The following PTPRC variants were observed in gnomAD, a reference collection of about 807,000 sequenced individuals.
PTPRC encodes the protein protein tyrosine phosphatase receptor type C.
In PTPRC, 44 loss-of-function variants were observed where a neutral mutation model predicts 155.9. That is an observed-to-expected ratio of 0.28 (90% CI 0.22 to 0.36). The LOEUF is 0.36. Among genes scored for constraint, PTPRC ranks in the 10% least tolerant of loss-of-function variants. The probability of loss-of-function intolerance (pLI) is 1.00; values close to 1 mark genes in which losing one functional copy is unlikely to be tolerated. For missense variants in PTPRC, 1,401 were observed against 1,564.6 expected, an observed-to-expected ratio of 0.90 and a Z score of 1.76; for synonymous variants, 525 against 533.1, an observed-to-expected ratio of 0.98 and a Z score of 0.21.
chr1:198,749,522 C>A lies in PTPRC; in HGVS notation c.3045C>A (p.Ser1015Arg). Reference sequence around the variant, plus strand: ...ATGACAGTGATTCAGAGGAACCAAGCAAATACATCAATGCATCTTTTATAA... The same window carrying A: ...ATGACAGTGATTCAGAGGAACCAAGAAAATACATCAATGCATCTTTTATAA... ...SDDDSDSEEP[S>R]KYINASFIMS... Residue 1015 changes from serine to arginine, a missense_variant, in exon 28 of 33, where the codon AGC (serine) becomes AGA (arginine). Physicochemically the swap from Ser to Arg is moderately radical, Grantham distance 110. Around this residue, in one of 3 missense-constraint regions of PTPRC, gnomAD observed 400 missense variants for 389.5 expected, o/e 1.03. Transcript: ENST00000442510. The A allele has an allele frequency of 6.2e-7, 1 of 1,610,806 alleles. No homozygotes were observed. The highest frequency in any genetic ancestry group is 8.5e-7 in the Non-Finnish European group (1 of 1,178,090).
chr1:198,675,825 C>T lies in PTPRC; in HGVS notation c.74-16522C>T, dbSNP rs146195840. ...TTTATCAGGTCAGGGGCTATATTCT[C>T]GGAAGGGATAAGTAATTTCTGTTGT... On this transcript the variant is annotated intron_variant, in intron 2 of 32. Coordinates refer to ENST00000442510, the MANE Select transcript of PTPRC (RefSeq NM_002838.5). 3.8e-3 allele frequency among the ~76,000 whole-genome samples: 576 copies of T among 152,118 alleles called. 1 individual carries two copies. Among genetic ancestry groups the T allele is most frequent in the Non-Finnish European group, 6.0e-3 (406 of 67,960 alleles).
chr1:198,653,014 AC>A (rs1427055428), intron 2 of PTPRC, among the ~76,000 whole-genome samples: 1 of 151,794 alleles, frequency 6.6e-6, no homozygotes, highest in African/African-American at 2.4e-5. Flanking sequence ...TAATAAAAAT[AC>A]CTTTAGTTGT....
chr1:198,640,171 C>T (rs1296966629), intron 2 of PTPRC, among the ~76,000 whole-genome samples: 3 of 151,666 alleles, frequency 2.0e-5, no homozygotes, highest in Admixed American at 1.3e-4. Context: ...AGTTCTTGAG[C>T]GGCGTCAATA....
intron 2 of PTPRC, among the ~76,000 whole-genome samples, chr1:198,661,247 T>C (rs1005913644): frequency 6.6e-6 from 1 of 151,304 alleles, no homozygotes; most frequent in African/African-American, 2.4e-5. Flanking sequence ...TATAAAGAGG[T>C]TTTGTCTATG....
At chr1:198,674,068 GT>G (rs923684250) in intron 2 of PTPRC, among the ~76,000 whole-genome samples, 2 of 152,174 alleles carry the variant, frequency 1.3e-5, no homozygotes, top group African/African-American at 4.8e-5. Context: ...ATTATCTTAT[GT>G]ATTTTGACTA....
In PTPRC at chr1:198,692,348, G is replaced by A. The variant is rs1314781742; in HGVS notation, c.75G>A (p.Gly25=). 4 of 1,516,592 alleles carry A rather than the reference G, an allele frequency of 2.6e-6. No homozygotes were observed. The highest frequency in any genetic ancestry group is 2.5e-5 in the East Asian group (1 of 39,536). The allele number at this position is 1,516,592 out of a possible 1,614,324, so 93.9% of individuals were successfully genotyped here. A position where few individuals can be genotyped will look rare whatever the true frequency, so the allele number is the denominator to read the frequency against. Residue 25 remains glycine (G), a splice_region_variant and synonymous_variant, in exon 3 of 33, where the codon GGG becomes GGA. Transcript: ENST00000442510. ...GAGATTTTTGTTTCTTCTTTGCAGG[G>A]CAAAGCCCAACACCTTCCCCCACTG... is the stretch of plus-strand genomic sequence containing the variant. ...AFLDTEVFVT[G]QSPTPSPTGL...
Position 198,756,978 on chromosome 1 carries a change from A to AACTT in PTPRC, c.*799_*802dup, listed in dbSNP as rs1220744805. On this transcript the variant is annotated 3_prime_UTR_variant, in exon 33 of 33. Transcript: ENST00000442510. ...CAACAAATTAGGTTTTGTACAATTG[A>AACTT]ACTTAAATAAATGTCATTAAAATAA... 6 of 151,930 alleles carry AACTT rather than the reference A, an allele frequency of 3.9e-5. No individual in the cohort carries two copies. The highest frequency in any genetic ancestry group is 7.4e-5 in the Non-Finnish European group (5 of 67,852). The allele number at this position is 151,930 out of a possible 1,614,324, so 9.4% of individuals were successfully genotyped here.
intron 23 of PTPRC, among the ~76,000 whole-genome samples, chr1:198,738,730 GTTC>G (rs1447893188): frequency 1.3e-5 from 2 of 151,680 alleles, no homozygotes; most frequent in African/African-American, 4.8e-5. Context: ...ATTGGTACTA[GTTC>G]TTCTTTAAAT....
At chr1:198,723,847 T>C (rs1355199822) in intron 15 of PTPRC, among the ~76,000 whole-genome samples, 1 of 152,186 alleles carries the variant, frequency 6.6e-6, no homozygotes, top group Non-Finnish European at 1.5e-5. Context: ...TGAGACCACA[T>C]GTGTAGGTGT....
intron 2 of PTPRC, among the ~76,000 whole-genome samples, chr1:198,677,616 A>G (rs992232936): frequency 6.6e-6 from 1 of 152,192 alleles, no homozygotes; most frequent in East Asian, 1.9e-4. Flanking sequence ...CATAGAAAGT[A>G]GGAAACTATT....
intron 24 of PTPRC, 39 bp downstream of exon 24, chr1:198,742,065 A>G: frequency 6.2e-7 from 1 of 1,608,168 alleles, no homozygotes; most frequent in Admixed American, 1.7e-5. Flanking sequence ...AACAACAAAA[A>G]AACTCCAACA....
At chr1:198,650,785 G>A (rs1452485617) in intron 2 of PTPRC, among the ~76,000 whole-genome samples, 1 of 151,752 alleles carries the variant, frequency 6.6e-6, no homozygotes, top group Non-Finnish European at 1.5e-5. Flanking sequence ...TCTGAGCCTT[G>A]GGAAACTTCA....
chr1:198,696,513 A>T (rs1666210827), intron 3 of PTPRC, among the ~76,000 whole-genome samples, 199 bp from the exon 4 acceptor site: 1 of 152,114 alleles, frequency 6.6e-6, no homozygotes, highest in South Asian at 2.1e-4. Context: ...ATATGCATGC[A>T]TATATGTGTA....
chr1:198,685,845 A>C (rs922796767), intron 2 of PTPRC, among the ~76,000 whole-genome samples: 9 of 152,126 alleles, frequency 5.9e-5, no homozygotes, highest in African/African-American at 2.2e-4. Flanking sequence ...GCTGAGAATA[A>C]GTATTTATTT....
At chr1:198,699,285 C>G (rs897225788) in intron 4 of PTPRC, among the ~76,000 whole-genome samples, 10 of 152,188 alleles carry the variant, frequency 6.6e-5, no homozygotes, top group African/African-American at 2.4e-4. Context: ...ATTCAGAAAG[C>G]TCATAGTGAT....
At chr1:198,679,859 G>A (rs573716542) in intron 2 of PTPRC, 2 of 607,366 alleles carry the variant, frequency 3.3e-6, no homozygotes, top group East Asian at 2.9e-5. Context: ...AAGGTGTAGA[G>A]TTTCCTTGAC....
In PTPRC at chr1:198,756,209, A is replaced by C. The variant is rs759332278; in HGVS notation, c.*28A>C. The C allele has an allele frequency of 6.2e-7, 1 of 1,611,748 alleles. No homozygotes were observed. The highest frequency in any genetic ancestry group is 8.5e-7 in the Non-Finnish European group (1 of 1,178,722). ...AAAGACATAAATGAGGAAACTCCAA[A>C]CCTCCTGTTAGCTGTTATTTCTATT... On this transcript the variant is annotated 3_prime_UTR_variant, in exon 33 of 33. Transcript: ENST00000442510.
At chr1:198,638,805 A>G, upstream of PTPRC, 1 of 157,030 alleles carries the variant, frequency 6.4e-6, no homozygotes, top group Non-Finnish European at 1.4e-5. Context: ...ATTATTGATT[A>G]TTTTGTGGGG....
intron 5 of PTPRC, among the ~76,000 whole-genome samples, chr1:198,700,857 C>T (rs1031955543): frequency 3.9e-5 from 6 of 152,074 alleles, no homozygotes; most frequent in East Asian, 3.9e-4. Flanking sequence ...ACAAGGGAAA[C>T]GAAGTTTTCA....
Sources: allele counts gnomAD v4.1 joint callset (sites outside exome capture counted in the v4.1 genomes callset), GRCh38; gene constraint gnomAD v4.1.1; regional missense constraint gnomAD v4.1.1; transcripts MANE v1.5; gene names NCBI Gene and HGNC (gene_info 2026-07-23, HGNC 2026-07-21).